Variants in SETBP1 observed in about 807,000 individuals in gnomAD.
SETBP1 encodes the protein SET binding protein 1, also known as SET-binding protein.
In SETBP1, 9 loss-of-function variants were observed where a neutral mutation model predicts 101.0. The observed-to-expected ratio is 0.09, with a 90% CI of 0.05 to 0.16. SETBP1 has a LOEUF of 0.16. SETBP1 is among the 10% of genes least tolerant of loss of function. The pLI, the probability that SETBP1 is intolerant of heterozygous loss-of-function variation, is 1.00. For synonymous variants in SETBP1, 818 were observed against 788.5 expected (o/e 1.04, Z -0.63); for missense variants, 1,858 against 2,033.8 (o/e 0.91, Z 1.66).
chr18:44,835,266 C>T (rs1011975086), intron 2 of SETBP1, among the ~76,000 whole-genome samples: 23 of 152,070 alleles, frequency 1.5e-4, no homozygotes, highest in African/African-American at 4.3e-4. Flanking sequence ...TCTTGCATCT[C>T]GAAGAGGCCC....
intron 2 of SETBP1, among the ~76,000 whole-genome samples, chr18:44,760,039 G>A (rs1333056851): frequency 1.3e-5 from 2 of 152,180 alleles, no homozygotes; most frequent in Non-Finnish European, 2.9e-5. Context: ...GCTGAGCATT[G>A]TCAGGAGTTG....
chr18:45,036,674 A>G (rs1038031022), intron 4 of SETBP1, among the ~76,000 whole-genome samples: 5 of 152,248 alleles, frequency 3.3e-5, no homozygotes, highest in Admixed American at 3.3e-4. Context: ...TGTTCATGGT[A>G]TCACAACTGG....
Position 45,064,749 on chromosome 18 carries a change from G to C in SETBP1, c.*1051G>C, listed in dbSNP as rs1043111767. 2.0e-5 allele frequency: 3 copies of C among 148,604 alleles called. No individual in the cohort carries two copies. The Admixed American group carries it at 2.0e-4, about 10-fold the overall frequency. 9.2% of individuals were successfully genotyped at this position (148,604 alleles called of 1,614,324 possible). On this transcript the variant is annotated 3_prime_UTR_variant, in exon 6 of 6. Coordinates refer to ENST00000649279, the MANE Select transcript of SETBP1 (RefSeq NM_015559.3). ...AACCCCAGACCCACCAGAAAGACAA[G>C]TGTCTAGCAATGCCTTGGTACCTGA...
intron 4 of SETBP1, among the ~76,000 whole-genome samples, chr18:45,010,308 A>G (rs2072812595): frequency 2.0e-5 from 3 of 152,202 alleles, no homozygotes; most frequent in Non-Finnish European, 1.5e-5. Flanking sequence ...GCTCTAGTAG[A>G]TGGTTAACTT....
chr18:44,859,348 A>G (rs1354445664), intron 2 of SETBP1, among the ~76,000 whole-genome samples: 1 of 152,080 alleles, frequency 6.6e-6, no homozygotes, highest in Non-Finnish European at 1.5e-5. Context: ...CACCTGAGGC[A>G]TGGCTGGCAG....
At chr18:44,866,764 G>A (rs865953116) in intron 2 of SETBP1, among the ~76,000 whole-genome samples, 2 of 152,092 alleles carry the variant, frequency 1.3e-5, no homozygotes, top group Non-Finnish European at 2.9e-5. Flanking sequence ...AGCTCCATAC[G>A]AATCTTATGC....
intron 2 of SETBP1, among the ~76,000 whole-genome samples, chr18:44,850,573 A>G (rs1165802753): frequency 6.6e-6 from 1 of 151,642 alleles, no homozygotes; most frequent in Non-Finnish European, 1.5e-5. Flanking sequence ...GTTTCACCAT[A>G]TTGGTCAGGC....
chr18:44,751,099 C>G (rs1456169265), intron 2 of SETBP1, among the ~76,000 whole-genome samples: 1 of 152,204 alleles, frequency 6.6e-6, no homozygotes, highest in Non-Finnish European at 1.5e-5. Context: ...TTACTATCTC[C>G]TGCAGGACAT....
At chr18:44,936,204 C>T (rs1197617548) in intron 3 of SETBP1, among the ~76,000 whole-genome samples, 1 of 152,190 alleles carries the variant, frequency 6.6e-6, no homozygotes, top group Non-Finnish European at 1.5e-5. Context: ...CACTGGAGAC[C>T]TTCAGATGCC....
chr18:44,710,624 G>T (rs978534651), intron 2 of SETBP1, among the ~76,000 whole-genome samples: 1 of 151,938 alleles, frequency 6.6e-6, no homozygotes, highest in Non-Finnish European at 1.5e-5. Context: ...GCTAACTTTT[G>T]TATTTTTAGT....
intron 1 of SETBP1, among the ~76,000 whole-genome samples, chr18:44,688,406 G>C (rs149991068): frequency 5.3e-5 from 8 of 152,022 alleles, no homozygotes; most frequent in African/African-American, 1.9e-4. Context: ...TGAAATCTGC[G>C]TGGCAAGTCC....
intron 5 of SETBP1, among the ~76,000 whole-genome samples, chr18:45,046,728 G>C (rs925541176): frequency 2.0e-5 from 3 of 152,180 alleles, no homozygotes; most frequent in African/African-American, 7.2e-5. Flanking sequence ...CACTAGGGCA[G>C]CAACCATTTG....
intron 2 of SETBP1, among the ~76,000 whole-genome samples, chr18:44,788,235 C>G (rs941292306): frequency 1.3e-5 from 2 of 152,098 alleles, no homozygotes; most frequent in African/African-American, 4.8e-5. Context: ...GGAAGGCTGC[C>G]TCCTTTCTGA....
chr18:44,923,616 G>A (rs1443295552), intron 3 of SETBP1, among the ~76,000 whole-genome samples: 2 of 152,188 alleles, frequency 1.3e-5, no homozygotes, highest in Non-Finnish European at 2.9e-5. Context: ...CCATTTGGGG[G>A]AAAAATTAAG....
intron 2 of SETBP1, among the ~76,000 whole-genome samples, chr18:44,773,997 G>A (rs773608741): frequency 3.6e-4 from 55 of 152,188 alleles, no homozygotes; most frequent in African/African-American, 1.3e-3. Flanking sequence ...AGGTGCCTGG[G>A]GACAACATGG....
chr18:44,730,369 A>G lies in SETBP1; in HGVS notation c.486+28537A>G, dbSNP rs966855005. ...AGTTTGCTGGAGTCCTTGGGATGCA[A>G]TGAGTAAACTCTATCCTGAAGGATG... On this transcript the variant is annotated intron_variant, in intron 2 of 5. Transcript: ENST00000649279. 2.0e-5 allele frequency among the ~76,000 whole-genome samples: 3 copies of G among 152,212 alleles called. No homozygotes were observed. The South Asian group carries it at 6.2e-4, about 31-fold the overall frequency.
intron 1 of SETBP1, among the ~76,000 whole-genome samples, chr18:44,682,242 G>C (rs1367446318): frequency 1.3e-5 from 2 of 152,300 alleles, no homozygotes; most frequent in Non-Finnish European, 2.9e-5. Context: ...TGCAAAGCAT[G>C]TGTGTGTCGT....
At chr18:44,714,135 A>G (rs915223068) in intron 2 of SETBP1, among the ~76,000 whole-genome samples, 1 of 152,172 alleles carries the variant, frequency 6.6e-6, no homozygotes, top group African/African-American at 2.4e-5. Context: ...CAGGAATTGT[A>G]TCTTTTAATG....
chr18:44,794,679 A>G (rs1390070893), intron 2 of SETBP1, among the ~76,000 whole-genome samples: 1 of 152,140 alleles, frequency 6.6e-6, no homozygotes, highest in African/African-American at 2.4e-5. Flanking sequence ...TGTCCCTAAC[A>G]TATCACCTCA....
Sources: allele counts gnomAD v4.1 joint callset (sites outside exome capture counted in the v4.1 genomes callset), GRCh38; gene constraint gnomAD v4.1.1; transcripts MANE v1.5; gene names NCBI Gene and HGNC (gene_info 2026-07-23, HGNC 2026-07-21).